ITPRID1: variants seen among roughly 807,000 people sequenced by gnomAD.
The protein encoded by ITPRID1 is ITPR interacting domain containing 1.
A neutral mutation model predicts 95.4 loss-of-function variants in ITPRID1; 96 were observed. The observed-to-expected ratio is 1.01, with a 90% CI of 0.85 to 1.19. ITPRID1 has a LOEUF of 1.19. Among genes scored for constraint, ITPRID1 ranks in the 50% most tolerant of loss-of-function variants. The pLI, the probability that ITPRID1 is intolerant of heterozygous loss-of-function variation, is 0.00. For synonymous variants in ITPRID1, 510 were observed against 453.6 expected (o/e 1.12, Z -1.58); for missense variants, 1,339 against 1,252.9 (o/e 1.07, Z -1.04).
At position 31,546,498 on chromosome 7, in the gene ITPRID1, T is replaced by G. The variant is rs528195169; in HGVS notation, c.-97-2928T>G. On this transcript the variant is annotated intron_variant, in intron 1 of 14. Coordinates refer to ENST00000615280, the MANE Select transcript of ITPRID1 (RefSeq NM_001257967.3). ...AATCTCCTAATTTTTCTAATTCAGA[T>G]CTACAATGCTATATTTTCTGATGCT... Among the ~76,000 whole-genome samples the G allele has an allele frequency of 8.5e-5, 13 of 152,166 alleles. No homozygotes were observed. The South Asian group carries it at 2.7e-3, about 32-fold the overall frequency.
chr7:31,594,257 C>T (rs1436353779), intron 10 of ITPRID1, among the ~76,000 whole-genome samples: 2 of 152,110 alleles, frequency 1.3e-5, no homozygotes, highest in Non-Finnish European at 2.9e-5. Context: ...TGTAAGTCCA[C>T]TCTATGATAT....
At chr7:31,650,998 C>T (rs1202848388) in intron 12 of ITPRID1, 144 bp from the exon 13 acceptor site, 2 of 811,738 alleles carry the variant, frequency 2.5e-6, no homozygotes, top group Non-Finnish European at 3.7e-6. Flanking sequence ...ATATTGGGCT[C>T]TTCCTATTCC....
chr7:31,569,311 A>G (rs1784902967), intron 5 of ITPRID1, among the ~76,000 whole-genome samples: 1 of 152,130 alleles, frequency 6.6e-6, no homozygotes. Context: ...CTACTTCACA[A>G]CTTCCTGTAC....
chr7:31,643,947 A>C lies in ITPRID1; in HGVS notation c.2577A>C (p.Leu859=), dbSNP rs377331865. 1.0e-5 allele frequency: 16 copies of C among 1,607,872 alleles called. No homozygotes were observed. The highest frequency in any genetic ancestry group is 3.4e-6 in the Non-Finnish European group (4 of 1,177,272). Residue 859 remains leucine, a synonymous_variant, in exon 12 of 15, where the codon CTA becomes CTC. Transcript: ENST00000615280. The part of the protein sequence containing the change: ...KALQDTTVRE[L]CSCTVHEMEA... ...TTCAGGACACTACAGTGAGGGAGCT[A>C]TGTTCCGTAAGTGTTCACCCTGGCA...
At chr7:31,559,647 A>G (rs1010953857) in intron 5 of ITPRID1, among the ~76,000 whole-genome samples, 33 of 152,218 alleles carry the variant, frequency 2.2e-4, no homozygotes, top group African/African-American at 7.7e-4. Context: ...CCTGGGTGAC[A>G]GAGTGAGACT....
At chr7:31,604,312 T>C (rs1424691116) in intron 10 of ITPRID1, among the ~76,000 whole-genome samples, 2 of 152,224 alleles carry the variant, frequency 1.3e-5, no homozygotes, top group Non-Finnish European at 2.9e-5. Context: ...GGATAAGTCA[T>C]TGGATCAAAA....
At chr7:31,631,273 CA>C (rs1788968633) in intron 10 of ITPRID1, among the ~76,000 whole-genome samples, 1 of 152,154 alleles carries the variant, frequency 6.6e-6, no homozygotes. Context: ...CATGTGCTCA[CA>C]AACACATATG....
At chr7:31,584,912 T>G (rs559488604) in intron 10 of ITPRID1, among the ~76,000 whole-genome samples, 1 of 152,342 alleles carries the variant, frequency 6.6e-6, no homozygotes, top group Non-Finnish European at 1.5e-5. Flanking sequence ...GTTGTGCTAG[T>G]TTCAGTGCCA....
intron 10 of ITPRID1, among the ~76,000 whole-genome samples, chr7:31,639,092 A>C (rs983934804): frequency 1.3e-5 from 2 of 152,012 alleles, no homozygotes; most frequent in Non-Finnish European, 2.9e-5. Context: ...TTTGATTTTC[A>C]TGTGCCTTGG....
In ITPRID1 at chr7:31,647,319, T is replaced by C. The variant is rs181341512; in HGVS notation, c.2583+3366T>C. On this transcript the variant is annotated intron_variant, in intron 12 of 14. Transcript: ENST00000615280. ...TATTTACGAAAATATTAACAGGACA[T>C]AGCTCTTGGACCAAGTGAAGATTAT... is the stretch of plus-strand genomic sequence containing the variant. Among the ~76,000 whole-genome samples, 1,135 of 152,198 alleles carry C rather than the reference T, an allele frequency of 7.5e-3. 6 individuals carry two copies. The highest frequency in any genetic ancestry group is 0.011 in the Non-Finnish European group (775 of 68,012).
chr7:31,622,460 A>T (rs1006299025), intron 10 of ITPRID1, among the ~76,000 whole-genome samples: 1 of 151,174 alleles, frequency 6.6e-6, no homozygotes, highest in African/African-American at 2.4e-5. Context: ...AACTCACTCA[A>T]AACTGCTCAA....
chr7:31,643,682 C>A lies in ITPRID1; in HGVS notation c.2312C>A (p.Thr771Asn), dbSNP rs746585755. ...SIQTSALSNKTLTHGPQPLTK... is the reference protein window; with the variant it reads ...SIQTSALSNKNLTHGPQPLTK... ...CAGACTTCAGCTCTAAGCAACAAGA[C>A]CTTGACACATGGGCCCCAGCCCCTC... Residue 771 changes from threonine (T) to asparagine (N), a missense_variant, in exon 12 of 15, where the codon ACC (threonine) becomes AAC (asparagine). By Grantham distance (65) the Thr-to-Asn change is moderately conservative. Transcript: ENST00000615280. The A allele has an allele frequency of 6.2e-6, 10 of 1,613,954 alleles. No homozygotes were observed. The highest frequency in any genetic ancestry group is 8.5e-7 in the Non-Finnish European group (1 of 1,179,912).
chr7:31,527,145 A>C (rs958172094), intron 1 of ITPRID1, among the ~76,000 whole-genome samples: 2 of 152,092 alleles, frequency 1.3e-5, no homozygotes, highest in African/African-American at 4.8e-5. Flanking sequence ...TCTCTCCCTG[A>C]ATCATCCTCC....
rs1028719333 is a variant in ITPRID1 at position 31,587,676 on chromosome 7, C to T, written c.1228+4485C>T. Among the ~76,000 whole-genome samples the T allele has an allele frequency of 1.4e-4, 21 of 151,532 alleles. 1 individual carries two copies. Among genetic ancestry groups the T allele is most frequent in the African/African-American group, 4.9e-4 (20 of 41,078 alleles). ...TATGGAACCAAAAAAGAGCCCGCGT[C>T]ACCAAGGCAATCCTAAGCCAAAAGA... On this transcript the variant is annotated intron_variant, in intron 10 of 14. Coordinates refer to ENST00000615280, the MANE Select transcript of ITPRID1 (RefSeq NM_001257967.3).
intron 1 of ITPRID1, among the ~76,000 whole-genome samples, chr7:31,520,392 A>G (rs546251085): frequency 2.6e-5 from 4 of 152,148 alleles, no homozygotes; most frequent in Non-Finnish European, 4.4e-5. Context: ...AGAAGTGAGA[A>G]GTTATACTCT....
At chr7:31,603,331 C>T (rs1447674901) in intron 10 of ITPRID1, among the ~76,000 whole-genome samples, 2 of 151,964 alleles carry the variant, frequency 1.3e-5, no homozygotes, top group East Asian at 1.9e-4. Flanking sequence ...CCCAGCATGC[C>T]GAGTTAACAC....
At chr7:31,639,297 CTA>C (rs1457137278) in intron 10 of ITPRID1, among the ~76,000 whole-genome samples, 1 of 152,008 alleles carries the variant, frequency 6.6e-6, no homozygotes, top group Non-Finnish European at 1.5e-5. Context: ...TTTTAAATCT[CTA>C]TGTTTCATTT....
intron 10 of ITPRID1, among the ~76,000 whole-genome samples, chr7:31,600,976 C>G (rs1413738352): frequency 6.6e-6 from 1 of 152,084 alleles, no homozygotes; most frequent in African/African-American, 2.4e-5. Flanking sequence ...GGGGGAGAGC[C>G]GTCTTCTGCC....
intron 3 of ITPRID1, among the ~76,000 whole-genome samples, chr7:31,553,679 C>A (rs991756711): frequency 6.6e-6 from 1 of 152,170 alleles, no homozygotes; most frequent in African/African-American, 2.4e-5. Flanking sequence ...TTCCTTCTAA[C>A]TTCACAGCAG....
Sources: allele counts gnomAD v4.1 joint callset (sites outside exome capture counted in the v4.1 genomes callset), GRCh38; gene constraint gnomAD v4.1.1; transcripts MANE v1.5; gene names NCBI Gene and HGNC (gene_info 2026-07-23, HGNC 2026-07-21).